SYT9: variants seen among roughly 807,000 people sequenced by gnomAD.
The protein encoded by SYT9 is synaptotagmin-9.
A neutral mutation model predicts 48.4 loss-of-function variants in SYT9; 22 were observed. The observed-to-expected ratio is 0.45, with a 90% CI of 0.32 to 0.65. The LOEUF (loss-of-function observed/expected upper bound fraction) is 0.65, where lower values mean the gene tolerates loss of function less well. SYT9 is among the 30% of genes least tolerant of loss of function. The probability of loss-of-function intolerance (pLI) is 0.03; values close to 1 mark genes in which losing one functional copy is unlikely to be tolerated. For missense variants in SYT9, 577 were observed against 622.0 expected (o/e 0.93, Z 0.77); for synonymous variants, 265 against 245.0 (o/e 1.08, Z -0.76).
Position 7,313,763 on chromosome 11 carries a change from T to G in SYT9, c.866T>G (p.Phe289Cys). ...KTLNPVFDEVFLFPVPYNDLE... is the reference protein window; with the variant it reads ...KTLNPVFDEVCLFPVPYNDLE... ...CTGAACCCTGTGTTTGATGAAGTGTTTTTATTTCCGGTTCCCTACAATGAC... is the reference window on the plus strand; with the variant it reads ...CTGAACCCTGTGTTTGATGAAGTGTGTTTATTTCCGGTTCCCTACAATGAC... The change falls in exon 3 of 7, where the codon TTT (phenylalanine) becomes TGT (cysteine). Residue 289 changes from phenylalanine to cysteine, a missense_variant. Phe to Cys is a radical substitution (Grantham distance 205). Coordinates refer to ENST00000318881, the MANE Select transcript of SYT9 (RefSeq NM_175733.4). The G allele has an allele frequency of 6.2e-7, 1 of 1,614,156 alleles. No homozygotes were observed. Among genetic ancestry groups the G allele is most frequent in the Non-Finnish European group, 8.5e-7 (1 of 1,180,022 alleles).
At position 7,466,976 on chromosome 11, in the gene SYT9, TC is replaced by T; in HGVS notation, c.*178del. 1 of 728,858 alleles carries T rather than the reference TC, an allele frequency of 1.4e-6. No homozygotes were observed. The highest frequency in any genetic ancestry group is 2.3e-6 in the Non-Finnish European group (1 of 435,532). 45.1% of individuals were successfully genotyped at this position (728,858 alleles called of 1,614,324 possible). A position where few individuals can be genotyped will look rare whatever the true frequency, so the allele number is the denominator to read the frequency against. The stretch of plus-strand genomic sequence containing the variant: ...GATTGGGTTTGGTGAACCTGAATGG[TC>T]CAGCCACCTTCTGCAGGTGGCCCAA... On this transcript the variant is annotated 3_prime_UTR_variant, in exon 7 of 7. Coordinates refer to ENST00000318881, the MANE Select transcript of SYT9 (RefSeq NM_175733.4).
intron 1 of SYT9, among the ~76,000 whole-genome samples, chr11:7,266,389 C>T (rs1848182098): frequency 6.6e-6 from 1 of 151,950 alleles, no homozygotes; most frequent in Non-Finnish European, 1.5e-5. Context: ...CTAGAAAGTC[C>T]CCCAAAGTGT....
intron 3 of SYT9, among the ~76,000 whole-genome samples, chr11:7,365,251 G>A (rs1195969481): frequency 2.6e-5 from 4 of 151,954 alleles, no homozygotes; most frequent in South Asian, 2.1e-4. Flanking sequence ...CAAATGATTC[G>A]TTGGGAAAAT....
At chr11:7,276,011 T>C (rs1388490624) in intron 1 of SYT9, among the ~76,000 whole-genome samples, 2 of 152,210 alleles carry the variant, frequency 1.3e-5, no homozygotes, top group Non-Finnish European at 2.9e-5. Flanking sequence ...ATCTGTCTTG[T>C]TCACTATTAT....
chr11:7,285,976 T>C (rs1237262429), intron 1 of SYT9, among the ~76,000 whole-genome samples: 1 of 152,238 alleles, frequency 6.6e-6, no homozygotes, highest in African/African-American at 2.4e-5. Context: ...CCTTCCTAGC[T>C]GCTTTCACGG....
intron 1 of SYT9, among the ~76,000 whole-genome samples, chr11:7,278,835 G>A (rs1012878509): frequency 6.6e-6 from 1 of 152,208 alleles, no homozygotes; most frequent in Non-Finnish European, 1.5e-5. Flanking sequence ...GAGCACAAAT[G>A]TAAAGGGTTA....
intron 1 of SYT9, among the ~76,000 whole-genome samples, chr11:7,293,374 T>G (rs1848728307): frequency 6.6e-6 from 1 of 152,196 alleles, no homozygotes; most frequent in Non-Finnish European, 1.5e-5. Context: ...GTGCTCTGTT[T>G]ACCTGGCTCA....
At chr11:7,320,153 C>G (rs1849313098) in intron 3 of SYT9, among the ~76,000 whole-genome samples, 1 of 152,148 alleles carries the variant, frequency 6.6e-6, no homozygotes, top group South Asian at 2.1e-4. Flanking sequence ...AGATGAATGG[C>G]CATTAGGACA....
chr11:7,281,768 T>G (rs983010910), intron 1 of SYT9, among the ~76,000 whole-genome samples: 3 of 152,218 alleles, frequency 2.0e-5, no homozygotes, highest in African/African-American at 7.2e-5. Flanking sequence ...TTGGATAGAA[T>G]TTTTGGATGG....
At chr11:7,336,010 T>G (rs1849625140) in intron 3 of SYT9, among the ~76,000 whole-genome samples, 1 of 152,194 alleles carries the variant, frequency 6.6e-6, no homozygotes, top group African/African-American at 2.4e-5. Context: ...GTCTGTTATT[T>G]TTTGACTTTT....
intron 1 of SYT9, among the ~76,000 whole-genome samples, chr11:7,240,838 A>C (rs901755990): frequency 1.3e-5 from 2 of 152,176 alleles, no homozygotes; most frequent in Admixed American, 6.5e-5. Flanking sequence ...TCTACAGTGC[A>C]TTAAAGTTCA....
chr11:7,405,259 C>G (rs1414420364), intron 3 of SYT9, among the ~76,000 whole-genome samples: 5 of 152,072 alleles, frequency 3.3e-5, no homozygotes, highest in Admixed American at 2.6e-4. Context: ...TATTGAGTGG[C>G]TTCCCTCTGC....
At chr11:7,257,802 A>G (rs1033622607) in intron 1 of SYT9, among the ~76,000 whole-genome samples, 4 of 152,190 alleles carry the variant, frequency 2.6e-5, no homozygotes, top group East Asian at 1.9e-4. Flanking sequence ...GGGCTCCTTC[A>G]TAAATATTTT....
intron 3 of SYT9, among the ~76,000 whole-genome samples, chr11:7,403,383 C>T (rs1463742651): frequency 6.6e-6 from 1 of 152,036 alleles, no homozygotes; most frequent in Non-Finnish European, 1.5e-5. Flanking sequence ...GACTCCATCT[C>T]TACAAAAAAA....
At chr11:7,432,204 G>C (rs185689668) in intron 6 of SYT9, among the ~76,000 whole-genome samples, 1 of 152,182 alleles carries the variant, frequency 6.6e-6, no homozygotes, top group Non-Finnish European at 1.5e-5. Flanking sequence ...CTTTGCACCA[G>C]TGTGTCCTGG....
intron 6 of SYT9, among the ~76,000 whole-genome samples, chr11:7,429,844 C>T (rs72846814): frequency 0.052 from 7,870 of 152,226 alleles, 278 homozygotes; most frequent in East Asian, 0.16. Flanking sequence ...AAGAGGGACA[C>T]TTGACTCTCA....
rs1847901886 is a variant in SYT9, at chr11:7,252,940, T to G, written c.145+609T>G. Among the ~76,000 whole-genome samples the G allele has an allele frequency of 6.6e-6, 1 of 152,224 alleles. No individual in the cohort carries two copies. The highest frequency in any genetic ancestry group is 6.5e-5 in the Admixed American group (1 of 15,284). On this transcript the variant is annotated intron_variant, in intron 1 of 6. Coordinates refer to ENST00000318881, the MANE Select transcript of SYT9 (RefSeq NM_175733.4). The surrounding 1 kb of genome is among the most constrained non-coding windows in gnomAD (Gnocchi z 6.3). The stretch of plus-strand genomic sequence containing the variant: ...CGGGTCGCACGGCATGGAGGTGGCC[T>G]GGGCCTGGGCGCTAGGCTCGACCAG...
intron 3 of SYT9, among the ~76,000 whole-genome samples, chr11:7,334,634 C>CTCGCTGTCACCCATCCCCCCAA (rs760477407): frequency 7.1e-6 from 1 of 139,936 alleles, no homozygotes; most frequent in Non-Finnish European, 1.6e-5. Flanking sequence ...CCTGCCTCCA[C>CTCGCTGTCACCCATCCCCCCAA]TCCCTGCCAC....
chr11:7,411,191 C>T (rs2881487), intron 3 of SYT9, among the ~76,000 whole-genome samples: 70,375 of 152,064 alleles, frequency 0.46, 18,551 homozygotes, highest in African/African-American at 0.72. Context: ...TTTGTTCCTG[C>T]CATGCTCTTA....
Sources: gnomAD v4.1 joint callset for allele counts (sites outside exome capture counted in the v4.1 genomes callset) on GRCh38, gnomAD v4.1.1 for gene constraint, Gnocchi (gnomAD v3.1) non-coding constraint, MANE v1.5 for transcripts, NCBI Gene and HGNC (gene_info 2026-07-23, HGNC 2026-07-21) for gene names.